Variants in ZNF804B observed in about 807,000 individuals in gnomAD.
ZNF804B encodes the protein zinc finger protein 804B, also known as zinc finger 804B.
Under a neutral mutation model 101.4 loss-of-function variants are expected in ZNF804B, and 80 were observed. That is an observed-to-expected ratio of 0.79 (90% CI 0.66 to 0.95). The LOEUF (loss-of-function observed/expected upper bound fraction) is 0.95. ZNF804B is among the 40% of genes least tolerant of loss of function. The pLI is 0.00. For missense variants in ZNF804B, 1,673 were observed against 1,561.9 expected, an observed-to-expected ratio of 1.07 and a Z score of -1.20; for synonymous variants, 622 against 558.8, an observed-to-expected ratio of 1.11 and a Z score of -1.59.
At chr7:89,122,549 G>A (rs73218609) in intron 1 of ZNF804B, among the ~76,000 whole-genome samples, 9,317 of 152,156 alleles carry the variant, frequency 0.061, 390 homozygotes, top group Non-Finnish European at 0.087. Context: ...TTCAATGGGG[G>A]CCATCCATTC....
Position 88,826,261 on chromosome 7 carries a change from T to A in ZNF804B, c.108+66177T>A, listed in dbSNP as rs1447788206. 2.6e-5 allele frequency among the ~76,000 whole-genome samples: 4 copies of A among 152,270 alleles called. No homozygotes were observed. The East Asian group carries it at 7.7e-4, about 29-fold the overall frequency. On this transcript the variant is annotated intron_variant, in intron 1 of 3. Coordinates refer to ENST00000333190, the MANE Select transcript of ZNF804B (RefSeq NM_181646.5). ...GATTAGAGAAAATATTCCACAACAT[T>A]TCAAAACCTTTTAACTCACATAATA...
At position 89,230,583 on chromosome 7, in the gene ZNF804B, G is replaced by A. The variant is rs867192861; in HGVS notation, c.249+12288G>A. 6.4e-4 allele frequency among the ~76,000 whole-genome samples: 98 copies of A among 152,216 alleles called. 1 individual carries two copies. Among genetic ancestry groups the A allele is most frequent in the Middle Eastern group, 6.8e-3 (2 of 294 alleles). On this transcript the variant is annotated intron_variant, in intron 2 of 3. Coordinates refer to ENST00000333190, the MANE Select transcript of ZNF804B (RefSeq NM_181646.5). The stretch of plus-strand genomic sequence containing the variant: ...GTATCGTCAAGAGAATAGATCAATA[G>A]ATCAACAGAGCAGAGTAGAAATCCC...
chr7:88,891,457 A>C (rs1181514954), intron 1 of ZNF804B, among the ~76,000 whole-genome samples: 1 of 152,088 alleles, frequency 6.6e-6, no homozygotes, highest in Non-Finnish European at 1.5e-5. Context: ...ACATGTCCTT[A>C]TGCATTATAT....
In ZNF804B at chr7:88,856,080, C is replaced by T. The variant is rs959481901; in HGVS notation, c.108+95996C>T. Among the ~76,000 whole-genome samples, 97 of 152,248 alleles carry T rather than the reference C, an allele frequency of 6.4e-4. 1 individual carries two copies. The highest frequency in any genetic ancestry group is 1.8e-3 in the African/African-American group (75 of 41,562). ...TTCTTTTGGCTTAGGATTGACTTGGCGATGCGGGCTCTTTTTTCATTCCAT... is the reference window on the plus strand; with the variant it reads ...TTCTTTTGGCTTAGGATTGACTTGGTGATGCGGGCTCTTTTTTCATTCCAT... On this transcript the variant is annotated intron_variant, in intron 1 of 3. Coordinates refer to ENST00000333190, the MANE Select transcript of ZNF804B (RefSeq NM_181646.5).
intron 1 of ZNF804B, among the ~76,000 whole-genome samples, chr7:88,931,833 C>G (rs1049027293): frequency 2.0e-5 from 3 of 151,562 alleles, no homozygotes; most frequent in African/African-American, 7.3e-5. Flanking sequence ...TAAAAAACTT[C>G]AAAACACTTG....
At chr7:89,256,857 A>T (rs1004748636) in intron 2 of ZNF804B, among the ~76,000 whole-genome samples, 1 of 152,242 alleles carries the variant, frequency 6.6e-6, no homozygotes, top group Non-Finnish European at 1.5e-5. Flanking sequence ...TTATGGCACT[A>T]GCAGCTGGTG....
intron 1 of ZNF804B, among the ~76,000 whole-genome samples, chr7:89,035,036 C>G (rs1168915872): frequency 6.6e-6 from 1 of 152,138 alleles, no homozygotes; most frequent in Admixed American, 6.6e-5. Flanking sequence ...TCACCATAGA[C>G]AATTACATTT....
chr7:89,019,033 C>A (rs913837667), intron 1 of ZNF804B, among the ~76,000 whole-genome samples: 1 of 151,798 alleles, frequency 6.6e-6, no homozygotes, highest in Non-Finnish European at 1.5e-5. Flanking sequence ...TTTCGGTTTG[C>A]TTTATTCTTG....
chr7:88,793,083 G>A (rs1490576722), intron 1 of ZNF804B, among the ~76,000 whole-genome samples: 5 of 151,964 alleles, frequency 3.3e-5, no homozygotes, highest in Non-Finnish European at 7.4e-5. Context: ...ATAATGATAA[G>A]TATTTTCTCC....
At chr7:89,195,721 A>C (rs558899162) in intron 1 of ZNF804B, among the ~76,000 whole-genome samples, 35 of 152,142 alleles carry the variant, frequency 2.3e-4, no homozygotes, top group Admixed American at 1.9e-3. Context: ...ATGCAAAATC[A>C]ATGTGCAAAA....
intron 1 of ZNF804B, among the ~76,000 whole-genome samples, chr7:88,868,033 CTGTGTGTGTGTGTGAGTGTGTG>C (rs1791759683): frequency 7.4e-6 from 1 of 135,032 alleles, no homozygotes; most frequent in Non-Finnish European, 1.6e-5. Context: ...CATAATTCTA[CTGTGTGTGTGTGTGAGTGTGTG>C]TGTGTGTGTG....
chr7:88,954,991 C>A (rs988332502), intron 1 of ZNF804B, among the ~76,000 whole-genome samples: 1 of 150,698 alleles, frequency 6.6e-6, no homozygotes, highest in Admixed American at 6.6e-5. Context: ...TGGGCAGTTG[C>A]GGCTCACGGT....
intron 1 of ZNF804B, among the ~76,000 whole-genome samples, chr7:88,852,842 T>TA (rs1791467009): frequency 6.6e-6 from 1 of 152,122 alleles, no homozygotes; most frequent in South Asian, 2.1e-4. Context: ...ACTCCAAGGT[T>TA]ATGCACTTTA....
chr7:89,153,975 C>A (rs565917121), intron 1 of ZNF804B, among the ~76,000 whole-genome samples: 2 of 152,070 alleles, frequency 1.3e-5, no homozygotes, highest in East Asian at 3.9e-4. Flanking sequence ...TGTAGCCTTC[C>A]CCATCACCTT....
intron 1 of ZNF804B, among the ~76,000 whole-genome samples, chr7:89,208,670 A>T (rs1366233690): frequency 6.6e-6 from 1 of 152,188 alleles, no homozygotes; most frequent in African/African-American, 2.4e-5. Context: ...GGTGGTGGCC[A>T]ACGTTGATAA....
intron 2 of ZNF804B, among the ~76,000 whole-genome samples, chr7:89,325,837 C>G (rs1790887964): frequency 6.6e-6 from 1 of 151,910 alleles, no homozygotes; most frequent in South Asian, 2.1e-4. Context: ...TTTTCTCTCT[C>G]TGACACAGTT....
chr7:89,200,567 C>G (rs543444634), intron 1 of ZNF804B, among the ~76,000 whole-genome samples: 37 of 152,050 alleles, frequency 2.4e-4, no homozygotes, highest in Non-Finnish European at 5.3e-4. Context: ...AATATTGATG[C>G]CCATAGATGT....
chr7:88,888,634 A>G (rs1395974572), intron 1 of ZNF804B, among the ~76,000 whole-genome samples: 1 of 152,096 alleles, frequency 6.6e-6, no homozygotes, highest in African/African-American at 2.4e-5. Flanking sequence ...AAAAATTGAT[A>G]TTTTTATTAC....
intron 2 of ZNF804B, among the ~76,000 whole-genome samples, chr7:89,268,605 A>G (rs1370982970): frequency 2.0e-5 from 3 of 151,886 alleles, no homozygotes; most frequent in Non-Finnish European, 2.9e-5. Flanking sequence ...TCTTTTTAAT[A>G]AAACAGAGCG....
Sources: allele counts gnomAD v4.1 joint callset (sites outside exome capture counted in the v4.1 genomes callset), GRCh38; gene constraint gnomAD v4.1.1; transcripts MANE v1.5; gene names NCBI Gene and HGNC (gene_info 2026-07-23, HGNC 2026-07-21).